ANKRD29: variants seen among roughly 807,000 people sequenced by gnomAD.
ANKRD29 encodes ankyrin repeat domain 29.
A neutral mutation model predicts 38.0 loss-of-function variants in ANKRD29; 32 were observed. That is an observed-to-expected ratio of 0.84 (90% CI 0.64 to 1.13). ANKRD29 has a LOEUF of 1.13. Ranked by LOEUF, ANKRD29 falls within the 50% of genes most tolerant of loss-of-function variation. The probability of loss-of-function intolerance (pLI) is 0.00; values close to 1 mark genes in which losing one functional copy is unlikely to be tolerated. For synonymous variants in ANKRD29, 135 were observed against 152.4 expected, an observed-to-expected ratio of 0.89 and a Z score of 0.84; for missense variants, 357 against 377.9, an observed-to-expected ratio of 0.94 and a Z score of 0.46.
intron 9 of ANKRD29, among the ~76,000 whole-genome samples, chr18:23,605,639 G>T (rs1012921774): frequency 2.0e-5 from 3 of 152,030 alleles, no homozygotes; most frequent in African/African-American, 7.2e-5. Flanking sequence ...CAATTCTCCT[G>T]CCTCAACCCC....
chr18:23,654,486 G>A (rs749815537), intron 1 of ANKRD29, among the ~76,000 whole-genome samples: 2 of 150,628 alleles, frequency 1.3e-5, no homozygotes, highest in Admixed American at 6.6e-5. Flanking sequence ...TGGGTGTGAC[G>A]GTCCACACGT....
intron 9 of ANKRD29, among the ~76,000 whole-genome samples, chr18:23,605,154 C>T (rs2059559730): frequency 6.6e-6 from 1 of 152,124 alleles, no homozygotes; most frequent in African/African-American, 2.4e-5. Context: ...CTCCTGACCT[C>T]AGGTGATCCA....
At position 23,662,690 on chromosome 18, in the gene ANKRD29, C is replaced by G; in HGVS notation, c.21+20G>C. The G allele has an allele frequency of 6.8e-7, 1 of 1,469,586 alleles. No individual in the cohort carries two copies. The highest frequency in any genetic ancestry group is 1.5e-5 in the African/African-American group (1 of 67,992). 91.0% of individuals were successfully genotyped at this position (1,469,586 alleles called of 1,614,324 possible). On this transcript the variant is annotated intron_variant, in intron 1 of 9. Coordinates refer to ENST00000592179, the MANE Select transcript of ANKRD29 (RefSeq NM_173505.4). ...CCCGAGCCCGGCCCCAGCCCTGACC[C>G]CGGAGTCCCGGTCGCTCACCTTGAA...
In ANKRD29 at chr18:23,662,700, G is replaced by T. The variant is rs369677929; in HGVS notation, c.21+10C>A. On this transcript the variant is annotated intron_variant, in intron 1 of 9. Transcript: ENST00000592179. ...GCCCCAGCCCTGACCCCGGAGTCCC[G>T]GTCGCTCACCTTGAAGGACATCCTG... 1.4e-6 allele frequency: 2 copies of T among 1,459,570 alleles called. No individual in the cohort carries two copies. Among genetic ancestry groups the T allele is most frequent in the East Asian group, 3.1e-5 (1 of 32,574 alleles). The allele number at this position is 1,459,570 out of a possible 1,614,324, so 90.4% of individuals were successfully genotyped here.
chr18:23,614,012 G>A (rs143762051), intron 8 of ANKRD29, among the ~76,000 whole-genome samples: 209 of 152,250 alleles, frequency 1.4e-3, no homozygotes, highest in African/African-American at 4.7e-3. Context: ...GATTACAAGC[G>A]TGAGCCAGTG....
intron 6 of ANKRD29, 74 bp downstream of exon 6, chr18:23,629,779 T>TGCTGCCA: frequency 8.4e-7 from 1 of 1,197,386 alleles, no homozygotes; most frequent in Non-Finnish European, 1.2e-6. Flanking sequence ...CTCAGGTATG[T>TGCTGCCA]GCTGCCAGCG....
At chr18:23,644,202 A>C (rs564918520) in intron 3 of ANKRD29, among the ~76,000 whole-genome samples, 2 of 152,352 alleles carry the variant, frequency 1.3e-5, no homozygotes, top group Admixed American at 1.3e-4. Context: ...TAGAAACCAT[A>C]GACTGGCTAG....
intron 1 of ANKRD29, among the ~76,000 whole-genome samples, chr18:23,661,576 C>T (rs1314767074): frequency 2.0e-5 from 3 of 152,134 alleles, no homozygotes; most frequent in Admixed American, 6.5e-5. Flanking sequence ...GGCATGGTGG[C>T]GCACGCCTGT....
At chr18:23,639,040 A>G in intron 3 of ANKRD29, 93 bp from the exon 4 acceptor site, 1 of 992,116 alleles carries the variant, frequency 1.0e-6, no homozygotes, top group Non-Finnish European at 1.5e-6. Flanking sequence ...ATATCCTTGC[A>G]TAGAAAACTT....
At chr18:23,645,510 G>A (rs2060127451) in intron 3 of ANKRD29, among the ~76,000 whole-genome samples, 1 of 152,170 alleles carries the variant, frequency 6.6e-6, no homozygotes, top group Non-Finnish European at 1.5e-5. Context: ...GGGAGGTGGA[G>A]GTTGCATGAG....
Position 23,647,107 on chromosome 18 carries a change from G to A in ANKRD29, c.133-820C>T, listed in dbSNP as rs555604204. On this transcript the variant is annotated intron_variant, in intron 2 of 9. Transcript: ENST00000592179. ...CACAGGGGAGGCTCATTAGGTATAG[G>A]GTAATTAAGTGAATTTTGGAGGCTT... is the stretch of plus-strand genomic sequence containing the variant. The A allele has an allele frequency of 2.6e-5, 4 of 152,326 alleles. No homozygotes were observed. In the East Asian group the frequency reaches 7.7e-4, roughly 29 times the overall value. 9.4% of individuals were successfully genotyped at this position (152,326 alleles called of 1,614,324 possible).
chr18:23,623,865 G>A (rs972050134), intron 6 of ANKRD29, among the ~76,000 whole-genome samples: 6 of 151,578 alleles, frequency 4.0e-5, no homozygotes, highest in Admixed American at 1.3e-4. Flanking sequence ...GGTTGGTCTC[G>A]ATCTCCTGAT....
chr18:23,638,710 C>A, intron 4 of ANKRD29, 139 bp downstream of exon 4: 1 of 686,292 alleles, frequency 1.5e-6, no homozygotes, highest in Non-Finnish European at 2.3e-6. Context: ...TACAAGTAAC[C>A]TTGAGGAAAT....
intron 6 of ANKRD29, among the ~76,000 whole-genome samples, chr18:23,622,323 A>G (rs527419406): frequency 6.6e-6 from 1 of 152,232 alleles, no homozygotes; most frequent in East Asian, 1.9e-4. Context: ...CCTGGAAGGC[A>G]GGAGGGGAGT....
intron 9 of ANKRD29, among the ~76,000 whole-genome samples, chr18:23,603,236 G>A (rs2059534853): frequency 6.6e-6 from 1 of 152,350 alleles, no homozygotes; most frequent in Non-Finnish European, 1.5e-5. Flanking sequence ...TTTATAGTTG[G>A]ATCTTTTACC....
intron 2 of ANKRD29, chr18:23,646,719 T>C (rs890880476): frequency 6.4e-6 from 1 of 156,904 alleles, no homozygotes; most frequent in African/African-American, 2.4e-5. Flanking sequence ...GGTAAAGATG[T>C]ATGGCACCAG....
Position 23,600,403 on chromosome 18 carries a change from T to A in ANKRD29, c.*823A>T, listed in dbSNP as rs1405679010. ...ATGTTAGGTATACTTACTTATAGAA[T>A]AGGAAATAGATTCCCAACAATAGAG... On this transcript the variant is annotated 3_prime_UTR_variant, in exon 10 of 10. Transcript: ENST00000592179. 1 of 152,206 alleles carries A rather than the reference T, an allele frequency of 6.6e-6. No individual in the cohort carries two copies. Among genetic ancestry groups the A allele is most frequent in the Admixed American group, 6.5e-5 (1 of 15,276 alleles). 9.4% of individuals were successfully genotyped at this position (152,206 alleles called of 1,614,324 possible).
chr18:23,653,077 T>A (rs1478652014), intron 1 of ANKRD29, among the ~76,000 whole-genome samples: 2 of 152,198 alleles, frequency 1.3e-5, no homozygotes, highest in Non-Finnish European at 2.9e-5. Flanking sequence ...TAGAGTTTTG[T>A]CACCCAGGAG....
intron 8 of ANKRD29, among the ~76,000 whole-genome samples, chr18:23,615,098 A>G (rs2059694133): frequency 6.6e-6 from 1 of 152,212 alleles, no homozygotes; most frequent in African/African-American, 2.4e-5. Flanking sequence ...CACAGCTCAC[A>G]GTAACCTTGA....
Sources: gnomAD v4.1 joint callset for allele counts (sites outside exome capture counted in the v4.1 genomes callset) on GRCh38, gnomAD v4.1.1 for gene constraint, MANE v1.5 for transcripts, NCBI Gene and HGNC (gene_info 2026-07-23, HGNC 2026-07-21) for gene names.